Variants in TPM1 observed in about 807,000 individuals in gnomAD.
TPM1 encodes tropomyosin alpha-1 chain.
TPM1 carries 24 observed loss-of-function variants against 42.9 expected under a neutral mutation model. The ratio of observed to expected loss-of-function variants is 0.56; its 90% CI spans 0.41 to 0.79. The LOEUF is 0.79. Among genes scored for constraint, TPM1 ranks in the 30% least tolerant of loss-of-function variants. The pLI, the probability that TPM1 is intolerant of heterozygous loss-of-function variation, is 0.00. For missense variants in TPM1, 158 were observed against 351.8 expected, an observed-to-expected ratio of 0.45 and a Z score of 4.41; for synonymous variants, 136 against 130.1, an observed-to-expected ratio of 1.05 and a Z score of -0.31.
intron 7 of TPM1, 147 bp from the exon 8 acceptor site, chr15:63,062,428 AT>A (rs2035764599): frequency 8.0e-7 from 1 of 1,247,280 alleles, no homozygotes; most frequent in African/African-American, 1.5e-5. Flanking sequence ...GCTAACTGCC[AT>A]TTCTCACAGA....
downstream of TPM1, chr15:63,069,890 G>A (rs779398864): frequency 5.0e-6 from 8 of 1,613,996 alleles, no homozygotes; most frequent in East Asian, 8.9e-5. Context: ...CCAGCAACTT[G>A]AGCAAAATCG....
At chr15:63,043,873 ACTCTTT>A (rs763632819) in intron 1 of TPM1, 148 bp from the exon 2 acceptor site, 1 of 1,549,720 alleles carries the variant, frequency 6.5e-7, no homozygotes, top group Non-Finnish European at 8.7e-7. Flanking sequence ...CGAATGGCTA[ACTCTTT>A]CTCTTTCTCT....
chr15:63,048,277 C>G (rs1473732702), intron 2 of TPM1: 4 of 605,952 alleles, frequency 6.6e-6, no homozygotes, highest in East Asian at 5.6e-5. Flanking sequence ...ACCCCCGCAG[C>G]GCGCCGGGAG....
Position 63,057,062 on chromosome 15 carries a change from G to T in TPM1, c.318G>T (p.Leu106=), listed in dbSNP as rs1449770307. The change falls in exon 3 of 10, where the codon CTG becomes CTT. Residue 106 remains leucine (L), a synonymous_variant. Transcript: ENST00000403994. ...AGTTGGATCGTGCCCAGGAGCGTCT[G>T]GCAACAGCTTTGCAGAAGCTGGAGG... is the stretch of plus-strand genomic sequence containing the variant. ...EEELDRAQER[L]ATALQKLEEA... 1 of 1,614,098 alleles carries T rather than the reference G, an allele frequency of 6.2e-7. No individual in the cohort carries two copies. Among genetic ancestry groups the T allele is most frequent in the African/African-American group, 1.3e-5 (1 of 74,934 alleles).
At chr15:63,064,341 C>T in intron 9 of TPM1, 199 bp downstream of exon 9, 1 of 1,448,248 alleles carries the variant, frequency 6.9e-7, no homozygotes, top group Non-Finnish European at 9.1e-7. Context: ...CTATACAAAC[C>T]ATTTTCTTTT....
chr15:63,060,158 T>C (rs1293164553), intron 4 of TPM1, among the ~76,000 whole-genome samples: 2 of 152,138 alleles, frequency 1.3e-5, no homozygotes, highest in Non-Finnish European at 2.9e-5. Context: ...TCAGCAGAAT[T>C]TGCTCCTGGT....
Position 63,052,644 on chromosome 15 carries a change from C to A in TPM1, c.241-4341C>A, listed in dbSNP as rs977789470. On this transcript the variant is annotated intron_variant, in intron 2 of 9. Transcript: ENST00000403994. ...AAATGCCTTGTTATTTATATCTCTG[C>A]TTTTAGATAACAGATGGTCATGTGT... is the stretch of plus-strand genomic sequence containing the variant. Among the ~76,000 whole-genome samples, 5 of 152,194 alleles carry A rather than the reference C, an allele frequency of 3.3e-5. No individual in the cohort carries two copies. In the East Asian group the frequency reaches 7.7e-4, roughly 24 times the overall value.
intron 6 of TPM1, 129 bp from the exon 7 acceptor site, chr15:63,062,086 T>C: frequency 1.2e-6 from 1 of 814,894 alleles, no homozygotes; most frequent in Non-Finnish European, 2.1e-6. Context: ...TGCCATTTGA[T>C]ATCAGAGGTT....
chr15:63,063,087 T>C (rs2035868508), intron 8 of TPM1: 5 of 978,384 alleles, frequency 5.1e-6, no homozygotes, highest in Admixed American at 6.1e-5. Flanking sequence ...TTTTAAGTCA[T>C]ATATTATCTT....
intron 2 of TPM1, chr15:63,048,638 G>A (rs771069931): frequency 1.3e-6 from 2 of 1,536,850 alleles, no homozygotes; most frequent in Non-Finnish European, 1.8e-6. Context: ...AGGAGCAGGC[G>A]GACGCCGCTG....
At chr15:63,058,469 G>A (rs1337142687) in intron 3 of TPM1, among the ~76,000 whole-genome samples, 5 of 152,160 alleles carry the variant, frequency 3.3e-5, no homozygotes, top group Non-Finnish European at 2.9e-5. Flanking sequence ...CACTTTAGGG[G>A]GCCGAGGCGG....
In TPM1 at chr15:63,042,950, G is replaced by C; in HGVS notation, c.114+7G>C. The C allele has an allele frequency of 2.5e-6, 4 of 1,585,910 alleles. No homozygotes were observed. The highest frequency in any genetic ancestry group is 3.4e-6 in the Non-Finnish European group (4 of 1,165,952). ...GGAAGACAGGAGCAAGCAGGTCTGC[G>C]CCTCCCCGGCCCTGCGCCCGCGCCC... On this transcript the variant is annotated splice_region_variant and intron_variant, in intron 1 of 9. Coordinates refer to ENST00000403994, the MANE Select transcript of TPM1 (RefSeq NM_001018005.2).
chr15:63,062,521 T>C, intron 7 of TPM1, 55 bp from the exon 8 acceptor site: 1 of 1,590,632 alleles, frequency 6.3e-7, no homozygotes, highest in Non-Finnish European at 8.6e-7. Flanking sequence ...TCCCTATGTT[T>C]GTAGCTACAG....
downstream of TPM1, chr15:63,070,182 A>G: frequency 7.6e-7 from 1 of 1,308,992 alleles, no homozygotes. Flanking sequence ...TCAATTCAGC[A>G]CTGCTCCTTG....
At chr15:63,071,132 A>G, downstream of TPM1, 3 of 1,614,212 alleles carry the variant, frequency 1.9e-6, no homozygotes, top group Non-Finnish European at 2.5e-6. Context: ...AGTATGCATC[A>G]GATGCTGGAT....
chr15:63,048,809 G>C (rs1304677425), intron 2 of TPM1: 32 of 1,462,926 alleles, frequency 2.2e-5, no homozygotes, highest in Non-Finnish European at 2.9e-5. Flanking sequence ...CCGGTCCCTC[G>C]TCCCCACGCC....
chr15:63,061,660 C>G (rs990230343), intron 5 of TPM1, 53 bp from the exon 6 acceptor site: 14 of 1,548,602 alleles, frequency 9.0e-6, no homozygotes, highest in Middle Eastern at 1.7e-4. Flanking sequence ...TTTTTCTCTC[C>G]TCCTTCCTTT....
downstream of TPM1, among the ~76,000 whole-genome samples, chr15:63,068,473 A>T (rs182818977): frequency 7.8e-4 from 119 of 152,320 alleles, no homozygotes; most frequent in African/African-American, 2.8e-3. Context: ...CCCATGTCCT[A>T]CCATTTATAA....
chr15:63,062,955 A>G (rs1015028938), intron 8 of TPM1: 21 of 1,424,422 alleles, frequency 1.5e-5, no homozygotes, highest in Non-Finnish European at 1.6e-5. Flanking sequence ...TGACTCTAGT[A>G]TATTTTATAT....
Sources: allele counts gnomAD v4.1 joint callset (sites outside exome capture counted in the v4.1 genomes callset), GRCh38; gene constraint gnomAD v4.1.1; transcripts MANE v1.5; gene names NCBI Gene and HGNC (gene_info 2026-07-23, HGNC 2026-07-21).